The following FREM3 variants were observed in gnomAD, a reference collection of about 807,000 sequenced individuals.
FREM3 encodes the protein FRAS1 related extracellular matrix 3, also known as FRAS1-related extracellular matrix protein 3.
Under a neutral mutation model 129.1 loss-of-function variants are expected in FREM3, and 105 were observed. The ratio of observed to expected loss-of-function variants is 0.81; its 90% CI spans 0.69 to 0.96. FREM3 has a LOEUF of 0.96. FREM3 is among the 40% of genes least tolerant of loss of function. FREM3 has a pLI of 0.00. For missense variants in FREM3, 2,593 were observed against 2,666.3 expected (o/e 0.97, Z 0.61); for synonymous variants, 1,014 against 1,044.9 (o/e 0.97, Z 0.57).
chr4:143,600,691 A>G (rs1231650170), intron 6 of FREM3, among the ~76,000 whole-genome samples: 2 of 152,208 alleles, frequency 1.3e-5, no homozygotes, highest in South Asian at 4.1e-4. Context: ...AGATCTTATA[A>G]TGGCTAGGAG....
chr4:143,607,421 G>T (rs752576043), intron 6 of FREM3, among the ~76,000 whole-genome samples: 18 of 152,012 alleles, frequency 1.2e-4, no homozygotes, highest in Admixed American at 2.0e-4. Flanking sequence ...GCCTTTTCTT[G>T]ATTCCCTTTG....
chr4:143,681,695 A>T (rs998118796), intron 2 of FREM3, among the ~76,000 whole-genome samples: 3 of 152,214 alleles, frequency 2.0e-5, no homozygotes, highest in Non-Finnish European at 4.4e-5. Flanking sequence ...TCTATACACC[A>T]GTATGGTTAG....
chr4:143,700,662 G>GA lies in FREM3; in HGVS notation c.13dup (p.Ser5PhefsTer49). On this transcript the variant is annotated frameshift_variant, in exon 1 of 8. Coordinates refer to ENST00000329798, the MANE Select transcript of FREM3 (RefSeq NM_001168235.2). LOFTEE classifies it high-confidence loss of function. ...CCGGGGCGTCCCAGTCGGGTGCCGA[G>GA]AAGCCCCCGCCATGGCCACGGATGG... is the stretch of plus-strand genomic sequence containing the variant. 1 of 1,428,760 alleles carries GA rather than the reference G, an allele frequency of 7.0e-7. No homozygotes were observed. The allele number at this position is 1,428,760 out of a possible 1,614,324, so 88.5% of individuals were successfully genotyped here.
At position 143,698,267 on chromosome 4, in the gene FREM3, A is replaced by AG; in HGVS notation, c.2408dup (p.Tyr804LeufsTer10). 1 of 1,537,590 alleles carries AG rather than the reference A, an allele frequency of 6.5e-7. No homozygotes were observed. Among genetic ancestry groups the AG allele is most frequent in the Non-Finnish European group, 8.7e-7 (1 of 1,146,982 alleles). ...TGCCTGCAGCATCTTCCACCTGGTA[A>AG]GTAAACTGCACAACCCGTGGTGCAA... is the stretch of plus-strand genomic sequence containing the variant. On this transcript the variant is annotated frameshift_variant, in exon 1 of 8. Transcript: ENST00000329798. LOFTEE classifies it high-confidence loss of function.
intron 6 of FREM3, among the ~76,000 whole-genome samples, chr4:143,591,256 C>G (rs1738355227): frequency 1.3e-5 from 2 of 152,112 alleles, no homozygotes; most frequent in African/African-American, 4.8e-5. Context: ...CTGCTCTTAT[C>G]TTAGTTATTT....
At chr4:143,679,326 C>T (rs951100115) in intron 2 of FREM3, among the ~76,000 whole-genome samples, 4 of 152,168 alleles carry the variant, frequency 2.6e-5, no homozygotes, top group African/African-American at 9.7e-5. Flanking sequence ...GAATTCTCTT[C>T]TAAGACTGAT....
chr4:143,632,374 C>T (rs1393341495), intron 2 of FREM3, among the ~76,000 whole-genome samples: 1 of 151,914 alleles, frequency 6.6e-6, no homozygotes, highest in Non-Finnish European at 1.5e-5. Flanking sequence ...AAAAGGCTTT[C>T]CTAAAGGGGT....
Position 143,697,175 on chromosome 4 carries a change from G to A in FREM3, c.3501C>T (p.Thr1167=). Residue 1167 remains threonine (T), a synonymous_variant, in exon 1 of 8, where the codon ACC becomes ACT. Coordinates refer to ENST00000329798, the MANE Select transcript of FREM3 (RefSeq NM_001168235.2). ...AGTTGATGCCATCAGAGCAATAAAA[G>A]GTGAATTGGTCCTCTTGTGGCTCTA... ...KGVEPQEDQF[T]FYCSDGINFS... 1 of 1,537,890 alleles carries A rather than the reference G, an allele frequency of 6.5e-7. No individual in the cohort carries two copies. The highest frequency in any genetic ancestry group is 2.0e-5 in the Admixed American group (1 of 51,006).
At position 143,699,951 on chromosome 4, in the gene FREM3, C is replaced by G; in HGVS notation, c.725G>C (p.Cys242Ser). The change falls in exon 1 of 8, where the codon TGT becomes TCT. Residue 242 changes from cysteine to serine, a missense_variant. Physicochemically the swap from Cys to Ser is moderately radical, Grantham distance 112. Coordinates refer to ENST00000329798, the MANE Select transcript of FREM3 (RefSeq NM_001168235.2). This position sits in a 1 kb window ranked among gnomAD's most constrained non-coding sequence, Gnocchi z 4.2. ...CACCCCAGCACGGAGGAAAGCCTCA[C>G]AGTCTACGCCCTTGCCCCTGGGGAG... The part of the protein sequence containing the change: ...APLPRGKGVD[C>S]EAFLRAGVRY... The G allele has an allele frequency of 6.6e-7, 1 of 1,522,388 alleles. No homozygotes were observed. The allele number at this position is 1,522,388 out of a possible 1,614,324, so 94.3% of individuals were successfully genotyped here.
At chr4:143,685,862 A>G (rs61176466) in intron 2 of FREM3, among the ~76,000 whole-genome samples, 10,835 of 151,564 alleles carry the variant, frequency 0.071, 1,035 homozygotes, top group African/African-American at 0.21. Flanking sequence ...AGGGCCTGTC[A>G]GGGGGTGGGG....
intron 7 of FREM3, among the ~76,000 whole-genome samples, chr4:143,580,747 A>G (rs1738127975): frequency 6.6e-6 from 1 of 152,218 alleles, no homozygotes; most frequent in Non-Finnish European, 1.5e-5. Context: ...CAGTGGTAGC[A>G]GGCAGGCCTG....
In FREM3 at chr4:143,698,234, C is replaced by A; in HGVS notation, c.2442G>T (p.Val814=). 4 of 1,537,394 alleles carry A rather than the reference C, an allele frequency of 2.6e-6. No individual in the cohort carries two copies. Among genetic ancestry groups the A allele is most frequent in the Admixed American group, 2.0e-5 (1 of 51,000 alleles). Residue 814 remains valine (V), a synonymous_variant, in exon 1 of 8, where the codon GTG becomes GTT. Transcript: ENST00000329798. Reference sequence around the variant, plus strand: ...GCAGGAATAATGTGAATGTGCCTGGCACGCTATTGCCTGCAGCATCTTCCA... The same window carrying A: ...GCAGGAATAATGTGAATGTGCCTGGAACGCTATTGCCTGCAGCATCTTCCA... ...YQVEDAAGNS[V]PGTFTLFLQP...
At position 143,652,444 on chromosome 4, in the gene FREM3, G is replaced by A. The variant is rs1464968651; in HGVS notation, c.5276-24684C>T. Among the ~76,000 whole-genome samples the A allele has an allele frequency of 1.3e-3, 52 of 39,452 alleles. 15 individuals are homozygous for A. Among genetic ancestry groups the A allele is most frequent in the Admixed American group, 2.9e-3 (10 of 3,448 alleles). The allele number at this position is 39,452 out of a possible 152,430, so 25.9% of individuals were successfully genotyped here. A position where few individuals can be genotyped will look rare whatever the true frequency, so the allele number is the denominator to read the frequency against. ...CCCAAAGTGCTGGGATTACAGGCGT[G>A]AGCCACCGCGCCCGGCCCTTTTTCC... is the stretch of plus-strand genomic sequence containing the variant. On this transcript the variant is annotated intron_variant, in intron 2 of 7. Coordinates refer to ENST00000329798, the MANE Select transcript of FREM3 (RefSeq NM_001168235.2).
Position 143,652,127 on chromosome 4 carries a change from C to A in FREM3, c.5276-24367G>T, listed in dbSNP as rs553099408. ...ATAAATTTAAAAATAACTATTCATT[C>A]AAATGGTCTTTTTCCTTTCTTTTTT... On this transcript the variant is annotated intron_variant, in intron 2 of 7. Transcript: ENST00000329798. Among the ~76,000 whole-genome samples, 4 of 137,946 alleles carry A rather than the reference C, an allele frequency of 2.9e-5. 1 individual carries two copies. Among genetic ancestry groups the A allele is most frequent in the African/African-American group, 8.0e-5 (3 of 37,614 alleles). The allele number at this position is 137,946 out of a possible 152,430, so 90.5% of individuals were successfully genotyped here. A position where few individuals can be genotyped will look rare whatever the true frequency, so the allele number is the denominator to read the frequency against.
intron 6 of FREM3, among the ~76,000 whole-genome samples, chr4:143,591,333 G>A (rs1738357180): frequency 6.6e-6 from 1 of 152,138 alleles, no homozygotes; most frequent in Non-Finnish European, 1.5e-5. Context: ...TGTGATGTTA[G>A]GGTGTGAATT....
chr4:143,595,637 C>T (rs4835207), intron 6 of FREM3, among the ~76,000 whole-genome samples: 84,115 of 151,894 alleles, frequency 0.55, 23,657 homozygotes, highest in South Asian at 0.63. Flanking sequence ...CCTGTAATCC[C>T]AGCACTTTGG....
intron 2 of FREM3, among the ~76,000 whole-genome samples, chr4:143,676,048 A>G (rs1350399957): frequency 6.6e-6 from 1 of 152,256 alleles, no homozygotes; most frequent in Non-Finnish European, 1.5e-5. Flanking sequence ...TTATGAAGCC[A>G]GCATTATCCT....
chr4:143,652,877 C>A (rs1229490787), intron 2 of FREM3, among the ~76,000 whole-genome samples: 1 of 152,192 alleles, frequency 6.6e-6, no homozygotes, highest in Non-Finnish European at 1.5e-5. Context: ...GATCCGCCTG[C>A]CTCGGCCTCC....
chr4:143,697,194 G>A lies in FREM3; in HGVS notation c.3482C>T (p.Pro1161Leu). 1 of 1,537,876 alleles carries A rather than the reference G, an allele frequency of 6.5e-7. No homozygotes were observed. The highest frequency in any genetic ancestry group is 1.2e-5 in the South Asian group (1 of 84,054). ...ATAAAAGGTGAATTGGTCCTCTTGT[G>A]GCTCTACTCCCTTGTGAATACTCTG... Reference protein sequence around the residue: ...YVQSIHKGVEPQEDQFTFYCS... With the variant: ...YVQSIHKGVELQEDQFTFYCS... Residue 1161 changes from proline (P) to leucine (L), a missense_variant, in exon 1 of 8, where the codon CCA becomes CTA. By Grantham distance (98) the Pro-to-Leu change is moderately conservative. This residue lies in a region of FREM3 where 2,276 missense variants were observed against 2,267.2 expected (regional missense o/e 1.00). Transcript: ENST00000329798.
Sources: gnomAD v4.1 joint callset for allele counts (sites outside exome capture counted in the v4.1 genomes callset) on GRCh38, gnomAD v4.1.1 for gene constraint, gnomAD v4.1.1 regional missense constraint, Gnocchi (gnomAD v3.1) non-coding constraint, MANE v1.5 for transcripts, NCBI Gene and HGNC (gene_info 2026-07-23, HGNC 2026-07-21) for gene names.